Variants in ABCE1 observed in about 807,000 individuals in gnomAD.
ABCE1 encodes ATP-binding cassette sub-family E member 1.
ABCE1 carries 22 observed loss-of-function variants against 83.4 expected under a neutral mutation model. The ratio of observed to expected loss-of-function variants is 0.26; its 90% CI spans 0.19 to 0.38. The LOEUF (loss-of-function observed/expected upper bound fraction) is 0.38, where lower values mean the gene tolerates loss of function less well. Among genes scored for constraint, ABCE1 ranks in the 10% least tolerant of loss-of-function variants. ABCE1 has a pLI of 1.00. For missense variants in ABCE1, 330 were observed against 721.9 expected (o/e 0.46, Z 6.22); for synonymous variants, 204 against 233.7 (o/e 0.87, Z 1.16).
intron 6 of ABCE1, 23 bp downstream of exon 6, chr4:145,110,263 T>C (rs751275913): frequency 1.3e-6 from 2 of 1,598,454 alleles, no homozygotes; most frequent in African/African-American, 2.7e-5. Flanking sequence ...TAGAGGGAAC[T>C]TAACGGATAT....
chr4:145,103,880 G>A (rs770558484), intron 1 of ABCE1, among the ~76,000 whole-genome samples: 6 of 151,184 alleles, frequency 4.0e-5, no homozygotes, highest in Non-Finnish European at 8.8e-5. Flanking sequence ...TCCCACCTCA[G>A]CCTCCGGAAT....
rs541052851 is a variant in ABCE1 at position 145,120,185 on chromosome 4, C to A, written c.1144+32C>A. 1.0e-5 allele frequency: 16 copies of A among 1,554,898 alleles called. No homozygotes were observed. The African/African-American group carries it at 2.2e-4, about 22-fold the overall frequency. ...TTTCTGTTTTGTGATAAGTAAAAAT[C>A]TTCCTGTTTATCTAGTAAATTAGTT... On this transcript the variant is annotated intron_variant, in intron 11 of 17. Transcript: ENST00000296577.
chr4:145,110,073 C>T, intron 5 of ABCE1, 30 bp from the exon 6 acceptor site: 1 of 1,507,076 alleles, frequency 6.6e-7, no homozygotes, highest in Non-Finnish European at 8.9e-7. Flanking sequence ...ATTAAATTCA[C>T]ATGATTCTGT....
At chr4:145,110,001 A>G (rs1749422950) in intron 5 of ABCE1, 102 bp from the exon 6 acceptor site, 1 of 1,074,976 alleles carries the variant, frequency 9.3e-7, no homozygotes, top group African/African-American at 1.6e-5. Flanking sequence ...TAAAAGCCAC[A>G]AGTGTTCTAT....
chr4:145,126,156 TCA>T (rs1293607301), intron 17 of ABCE1, among the ~76,000 whole-genome samples: 4 of 152,340 alleles, frequency 2.6e-5, no homozygotes, highest in Admixed American at 1.3e-4. Flanking sequence ...TCTTTGTAGT[TCA>T]CAGTTGTGCA....
intron 1 of ABCE1, 72 bp downstream of exon 1, chr4:145,098,491 C>T (rs572475715): frequency 2.6e-5 from 4 of 152,506 alleles, no homozygotes; most frequent in Non-Finnish European, 5.9e-5. Context: ...TAGGGACGTT[C>T]TCCGAGAGCC....
In ABCE1 at chr4:145,110,219, C is replaced by A; in HGVS notation, c.522C>A (p.Asp174Glu). Residue 174 changes from aspartate to glutamate, a missense_variant, in exon 6 of 18, where the codon GAC (aspartate) becomes GAA (glutamate). Physicochemically the swap from Asp to Glu is conservative, Grantham distance 45. Coordinates refer to ENST00000296577, the MANE Select transcript of ABCE1 (RefSeq NM_002940.3). ...LKAIIKPQYV[D>E]QIPKAAKGTV... Reference sequence around the variant, plus strand: ...CCATCATCAAACCTCAATATGTAGACCAGATTCCTAAGGCTGCAAAGGTCG... The same window carrying A: ...CCATCATCAAACCTCAATATGTAGAACAGATTCCTAAGGCTGCAAAGGTCG... The A allele has an allele frequency of 1.9e-6, 3 of 1,601,818 alleles. No individual in the cohort carries two copies. The highest frequency in any genetic ancestry group is 2.5e-6 in the Non-Finnish European group (3 of 1,176,824).
At chr4:145,103,920 T>C (rs558829940) in intron 1 of ABCE1, among the ~76,000 whole-genome samples, 3 of 152,008 alleles carry the variant, frequency 2.0e-5, no homozygotes, top group Non-Finnish European at 4.4e-5. Context: ...CACCACCACA[T>C]GTCTGGGGTT....
At chr4:145,115,881 G>A (rs1262690942) in intron 9 of ABCE1, among the ~76,000 whole-genome samples, 1 of 151,898 alleles carries the variant, frequency 6.6e-6, no homozygotes, top group Non-Finnish European at 1.5e-5. Context: ...GATCACAGAG[G>A]TGCTAAAATG....
chr4:145,120,090 G>A lies in ABCE1; in HGVS notation c.1081G>A (p.Glu361Lys), dbSNP rs1259026333. The change falls in exon 11 of 18, where the codon GAG becomes AAG. Residue 361 changes from glutamate (E) to lysine (K), a missense_variant. Transcript: ENST00000296577. ...PGMKKKMGEF[E>K]LAIVAGEFTD... ...AATGAAGAAAAAAATGGGAGAATTT[G>A]AGCTAGCAATTGTAGCTGGAGAGTT... 1 of 1,611,810 alleles carries A rather than the reference G, an allele frequency of 6.2e-7. No individual in the cohort carries two copies. Among genetic ancestry groups the A allele is most frequent in the East Asian group, 2.2e-5 (1 of 44,714 alleles).
chr4:145,099,848 CCT>C (rs1203277710), intron 1 of ABCE1, among the ~76,000 whole-genome samples: 1 of 152,000 alleles, frequency 6.6e-6, no homozygotes, highest in Admixed American at 6.5e-5. Flanking sequence ...TTCCTTTTTT[CCT>C]CTCAGCTGTA....
At chr4:145,109,005 A>G (rs1210874808) in intron 4 of ABCE1, 127 bp from the exon 5 acceptor site, 7 of 657,650 alleles carry the variant, frequency 1.1e-5, no homozygotes, top group South Asian at 4.2e-5. Context: ...AATATCTGGC[A>G]TATGTTTCTT....
In ABCE1 at chr4:145,108,292, TAC is replaced by T. The variant is rs1479254574; in HGVS notation, c.287+182_287+183del. 3.9e-5 allele frequency among the ~76,000 whole-genome samples: 6 copies of T among 152,322 alleles called. No homozygotes were observed. The East Asian group carries it at 1.2e-3, about 29-fold the overall frequency. On this transcript the variant is annotated intron_variant, in intron 4 of 17. Coordinates refer to ENST00000296577, the MANE Select transcript of ABCE1 (RefSeq NM_002940.3). Reference sequence around the variant, plus strand: ...GTCTGTGGTTCATTCTGGCTAACATTACAGTTACCTATGGGACTTTTTAAAGC... The same window carrying T: ...GTCTGTGGTTCATTCTGGCTAACATTAGTTACCTATGGGACTTTTTAAAGC...
chr4:145,112,160 C>A, intron 8 of ABCE1, 79 bp from the exon 9 acceptor site: 1 of 967,544 alleles, frequency 1.0e-6, no homozygotes, highest in South Asian at 1.7e-5. Context: ...CTTGATACTA[C>A]AGTGCTTTAA....
In ABCE1 at chr4:145,110,460, T is replaced by A. The variant is rs779078962; in HGVS notation, c.613+16T>A. 2 of 1,608,382 alleles carry A rather than the reference T, an allele frequency of 1.2e-6. No individual in the cohort carries two copies. Among genetic ancestry groups the A allele is most frequent in the South Asian group, 2.2e-5 (2 of 90,694 alleles). ...CAGCAGCTTGGTAAGTGTTTATTTTTTGTTTGTGTGAATATATATTTATTT... is the reference window on the plus strand; with the variant it reads ...CAGCAGCTTGGTAAGTGTTTATTTTATGTTTGTGTGAATATATATTTATTT... On this transcript the variant is annotated intron_variant, in intron 7 of 17. Coordinates refer to ENST00000296577, the MANE Select transcript of ABCE1 (RefSeq NM_002940.3).
At chr4:145,122,811 GAA>G in intron 13 of ABCE1, 4 of 388,716 alleles carry the variant, frequency 1.0e-5, no homozygotes, top group Non-Finnish European at 1.4e-5. Flanking sequence ...TGTCTCAAAA[GAA>G]AAAAAAAAAT....
intron 5 of ABCE1, among the ~76,000 whole-genome samples, chr4:145,109,498 C>T (rs148851976): frequency 7.9e-5 from 12 of 152,094 alleles, no homozygotes; most frequent in Non-Finnish European, 1.5e-4. Flanking sequence ...GTATTACACA[C>T]GTTTCTATTT....
chr4:145,101,967 A>G (rs567369649), intron 1 of ABCE1, among the ~76,000 whole-genome samples: 1 of 152,264 alleles, frequency 6.6e-6, no homozygotes, highest in Admixed American at 6.5e-5. Flanking sequence ...AACTTGGGGA[A>G]TGAGTATATG....
chr4:145,116,083 C>T (rs1476000023), intron 9 of ABCE1, among the ~76,000 whole-genome samples: 2 of 151,838 alleles, frequency 1.3e-5, no homozygotes, highest in Non-Finnish European at 2.9e-5. Flanking sequence ...GGTGGGATTT[C>T]AGCAGGTAAA....
Sources: gnomAD v4.1 joint callset for allele counts (sites outside exome capture counted in the v4.1 genomes callset) on GRCh38, gnomAD v4.1.1 for gene constraint, MANE v1.5 for transcripts, NCBI Gene and HGNC (gene_info 2026-07-23, HGNC 2026-07-21) for gene names.